ACTR3B: variants seen among roughly 807,000 people sequenced by gnomAD.
ACTR3B encodes actin related protein 3B, also known as actin-related protein 3B.
ACTR3B carries 8 observed loss-of-function variants against 59.0 expected under a neutral mutation model. The ratio of observed to expected loss-of-function variants is 0.14; its 90% confidence interval spans 0.08 to 0.24. The LOEUF (loss-of-function observed/expected upper bound fraction) is 0.24, where lower values mean the gene tolerates loss of function less well. ACTR3B is among the 10% of genes least tolerant of loss of function. ACTR3B has a pLI of 1.00. For missense variants in ACTR3B, 245 were observed against 552.3 expected (o/e 0.44, Z 5.58); for synonymous variants, 148 against 197.9 (o/e 0.75, Z 2.12).
intron 9 of ACTR3B, among the ~76,000 whole-genome samples, chr7:152,830,014 A>G (rs1467978283): frequency 6.6e-6 from 1 of 152,240 alleles, no homozygotes; most frequent in African/African-American, 2.4e-5. Flanking sequence ...ATACGGAAAT[A>G]ACTCTAATGG....
chr7:152,826,579 C>G (rs1796591765), intron 9 of ACTR3B, among the ~76,000 whole-genome samples: 1 of 152,212 alleles, frequency 6.6e-6, no homozygotes, highest in Non-Finnish European at 1.5e-5. Flanking sequence ...GCTAGCGGGT[C>G]ATGTCCTTCC....
chr7:152,806,266 T>C (rs532675933), intron 4 of ACTR3B, among the ~76,000 whole-genome samples: 1 of 152,308 alleles, frequency 6.6e-6, no homozygotes. Context: ...TTGAGGAAGA[T>C]GGAGGGTTTG....
At chr7:152,768,462 G>A (rs1253750363) in intron 1 of ACTR3B, among the ~76,000 whole-genome samples, 1 of 152,134 alleles carries the variant, frequency 6.6e-6, no homozygotes, top group East Asian at 1.9e-4. Context: ...GGCCTAAGAG[G>A]GTTTGCGAAT....
intron 9 of ACTR3B, among the ~76,000 whole-genome samples, chr7:152,830,953 A>G (rs1295698945): frequency 6.6e-6 from 1 of 152,244 alleles, no homozygotes; most frequent in Non-Finnish European, 1.5e-5. Context: ...CTTTTCAAAT[A>G]GGTCTTTTAT....
chr7:152,770,736 T>C (rs1409924032), intron 1 of ACTR3B, among the ~76,000 whole-genome samples: 1 of 146,208 alleles, frequency 6.8e-6, no homozygotes, highest in Non-Finnish European at 1.5e-5. Flanking sequence ...ACCAGAGGAC[T>C]ACACAGAGAT....
intron 2 of ACTR3B, among the ~76,000 whole-genome samples, chr7:152,784,465 A>T (rs1298741859): frequency 2.0e-5 from 3 of 152,052 alleles, no homozygotes; most frequent in Admixed American, 6.6e-5. Flanking sequence ...TTGCTTGCTG[A>T]AAAACTGGCC....
chr7:152,805,582 G>A (rs1295022475), intron 4 of ACTR3B, among the ~76,000 whole-genome samples: 2 of 152,098 alleles, frequency 1.3e-5, no homozygotes, highest in Non-Finnish European at 2.9e-5. Context: ...TGAACCTGGT[G>A]AAATAAAAAA....
chr7:152,832,908 C>G (rs377378148), intron 9 of ACTR3B, among the ~76,000 whole-genome samples: 52 of 152,346 alleles, frequency 3.4e-4, no homozygotes, highest in Admixed American at 1.0e-3. Flanking sequence ...AAAACACCCT[C>G]ACAGCAACAC....
At chr7:152,796,580 C>T (rs1590282664) in intron 2 of ACTR3B, among the ~76,000 whole-genome samples, 1 of 142,994 alleles carries the variant, frequency 7.0e-6, no homozygotes, top group African/African-American at 2.5e-5. Context: ...TTCCTCAAGT[C>T]AGCTAACTAG....
intron 9 of ACTR3B, among the ~76,000 whole-genome samples, chr7:152,835,613 G>A (rs1410188432): frequency 2.0e-5 from 3 of 152,082 alleles, no homozygotes; most frequent in Non-Finnish European, 2.9e-5. Flanking sequence ...GCTTGGTGCC[G>A]TTTCCTCAAA....
chr7:152,793,392 T>C, intron 2 of ACTR3B, among the ~76,000 whole-genome samples: 2 of 128,376 alleles, frequency 1.6e-5, no homozygotes, highest in Middle Eastern at 3.2e-3. Context: ...TAATGTCTGT[T>C]ATTCTGTCTT....
chr7:152,826,363 T>C (rs1303329723), intron 9 of ACTR3B, among the ~76,000 whole-genome samples: 1 of 145,678 alleles, frequency 6.9e-6, no homozygotes, highest in Admixed American at 6.7e-5. Flanking sequence ...TGGATAACTT[T>C]TACTTTCTCC....
chr7:152,854,656 TGCCCA>T lies in ACTR3B; in HGVS notation c.*106_*110del. ...CTGTAAATAGCGACGTCGGTGTTGC[TGCCCA>T]GCAGCGTGCTTGCATTGCCGGTGCA... On this transcript the variant is annotated 3_prime_UTR_variant, in exon 12 of 12. Transcript: ENST00000256001. The surrounding 1 kb of genome is among the most constrained non-coding windows in gnomAD (Gnocchi z 4.9). The T allele has an allele frequency of 8.0e-7, 1 of 1,246,658 alleles. No homozygotes were observed. The allele number at this position is 1,246,658 out of a possible 1,614,324, so 77.2% of individuals were successfully genotyped here. A position where few individuals can be genotyped will look rare whatever the true frequency, so the allele number is the denominator to read the frequency against.
chr7:152,777,696 T>G (rs535676972), intron 1 of ACTR3B, among the ~76,000 whole-genome samples: 3 of 152,226 alleles, frequency 2.0e-5, no homozygotes, highest in Non-Finnish European at 4.4e-5. Flanking sequence ...GGCTCACGCC[T>G]GCAATCCTAG....
intron 1 of ACTR3B, among the ~76,000 whole-genome samples, chr7:152,779,493 T>C (rs1417257765): frequency 1.2e-4 from 18 of 152,312 alleles, no homozygotes; most frequent in Non-Finnish European, 2.1e-4. Flanking sequence ...AGTCTGAGTA[T>C]GGCTCAGTGA....
intron 9 of ACTR3B, among the ~76,000 whole-genome samples, chr7:152,828,632 CT>C (rs1458715407): frequency 6.6e-6 from 1 of 152,202 alleles, no homozygotes; most frequent in African/African-American, 2.4e-5. Context: ...ACGCAGTCAC[CT>C]TTCTCTGGAC....
chr7:152,849,273 A>G (rs1563158806), intron 9 of ACTR3B, among the ~76,000 whole-genome samples: 1 of 152,086 alleles, frequency 6.6e-6, no homozygotes, highest in Non-Finnish European at 1.5e-5. Flanking sequence ...GGGGTCTGCT[A>G]TGCTCAGGGC....
At chr7:152,838,654 A>G (rs1797650166) in intron 9 of ACTR3B, among the ~76,000 whole-genome samples, 2 of 152,132 alleles carry the variant, frequency 1.3e-5, no homozygotes, top group African/African-American at 4.8e-5. Flanking sequence ...CACGTTCTGC[A>G]CATGTACCCC....
At chr7:152,772,841 T>C (rs1390663727) in intron 1 of ACTR3B, among the ~76,000 whole-genome samples, 2 of 151,542 alleles carry the variant, frequency 1.3e-5, no homozygotes, top group Non-Finnish European at 2.9e-5. Context: ...CTTAAAAATG[T>C]CAACACAATG....
Sources: allele counts gnomAD v4.1 joint callset (sites outside exome capture counted in the v4.1 genomes callset), GRCh38; gene constraint gnomAD v4.1.1; non-coding constraint Gnocchi (gnomAD v3.1); transcripts MANE v1.5; gene names NCBI Gene and HGNC (gene_info 2026-07-23, HGNC 2026-07-21).